The following CSMD1 variants were observed in gnomAD, a reference collection of about 807,000 sequenced individuals.
CSMD1 encodes CUB and Sushi multiple domains 1, also known as CUB and sushi domain-containing protein 1.
A neutral mutation model predicts 417.5 loss-of-function variants in CSMD1; 213 were observed. That is an observed-to-expected ratio of 0.51 (90% CI 0.46 to 0.57). The LOEUF (loss-of-function observed/expected upper bound fraction) is 0.57. CSMD1 is among the 20% of genes least tolerant of loss of function. The pLI, the probability that CSMD1 is intolerant of heterozygous loss-of-function variation, is 0.00. For synonymous variants in CSMD1, 2,862 were observed against 1,736.8 expected, an observed-to-expected ratio of 1.65 and a Z score of -16.11; for missense variants, 6,923 against 4,529.7, an observed-to-expected ratio of 1.53 and a Z score of -15.17.
intron 2 of CSMD1, among the ~76,000 whole-genome samples, chr8:4,579,473 C>G (rs555871059): frequency 4.6e-5 from 7 of 152,058 alleles, no homozygotes; most frequent in African/African-American, 1.4e-4. Flanking sequence ...ATTCTCCTGC[C>G]TCCCTTAGCC....
chr8:4,474,413 G>A (rs1056960072), intron 2 of CSMD1, among the ~76,000 whole-genome samples: 1 of 152,154 alleles, frequency 6.6e-6, no homozygotes, highest in Non-Finnish European at 1.5e-5. Flanking sequence ...GTCTAAGAAA[G>A]GCAGAGGGTC....
At chr8:4,683,362 C>CA (rs1490743893) in intron 1 of CSMD1, among the ~76,000 whole-genome samples, 3 of 152,072 alleles carry the variant, frequency 2.0e-5, no homozygotes, top group Non-Finnish European at 4.4e-5. Context: ...AGTGGTTCTC[C>CA]AAGCCGAAAC....
At chr8:4,788,476 G>A in intron 1 of CSMD1, 2 of 1,320,166 alleles carry the variant, frequency 1.5e-6, no homozygotes, top group Non-Finnish European at 2.2e-6. Flanking sequence ...TTACTGCTCA[G>A]ATATTTGGGG....
At chr8:3,395,569 G>C (rs927365994) in intron 17 of CSMD1, among the ~76,000 whole-genome samples, 1 of 152,158 alleles carries the variant, frequency 6.6e-6, no homozygotes, top group African/African-American at 2.4e-5. Flanking sequence ...TGGAAGTTTG[G>C]ACTGTTTGCA....
chr8:3,714,025 C>CAGATAGATAGAT (rs36006305), intron 6 of CSMD1, among the ~76,000 whole-genome samples: 23,647 of 147,016 alleles, frequency 0.16, 2,085 homozygotes, highest in Non-Finnish European at 0.2. Context: ...GCTCACTATG[C>CAGATAGATAGAT]AGATAGATAG....
intron 1 of CSMD1, among the ~76,000 whole-genome samples, chr8:4,868,145 A>G (rs149685285): frequency 5.3e-5 from 8 of 152,248 alleles, no homozygotes; most frequent in African/African-American, 1.9e-4. Flanking sequence ...TTGAGAAATA[A>G]TGGGTTGATG....
intron 50 of CSMD1, among the ~76,000 whole-genome samples, chr8:3,051,912 T>C (rs1389241464): frequency 1.3e-5 from 2 of 152,188 alleles, no homozygotes; most frequent in Non-Finnish European, 2.9e-5. Context: ...GTTACTCTTT[T>C]AAGATTATTA....
chr8:3,951,849 T>C (rs1811620851), intron 5 of CSMD1, among the ~76,000 whole-genome samples: 1 of 151,570 alleles, frequency 6.6e-6, no homozygotes, highest in Non-Finnish European at 1.5e-5. Context: ...AAAGAAAAAT[T>C]AAATACATAA....
chr8:3,838,447 C>A (rs1010150426), intron 5 of CSMD1, among the ~76,000 whole-genome samples: 12 of 147,908 alleles, frequency 8.1e-5, no homozygotes, highest in Admixed American at 4.8e-4. Context: ...AGAGTATAGA[C>A]TATACATATA....
chr8:3,028,593 T>C (rs1392170299), intron 51 of CSMD1, among the ~76,000 whole-genome samples: 1 of 152,206 alleles, frequency 6.6e-6, no homozygotes, highest in African/African-American at 2.4e-5. Flanking sequence ...GTGGTACGTG[T>C]TTCATTAACA....
intron 7 of CSMD1, among the ~76,000 whole-genome samples, chr8:3,647,676 T>C (rs1441438815): frequency 1.3e-5 from 2 of 152,224 alleles, no homozygotes; most frequent in Non-Finnish European, 2.9e-5. Flanking sequence ...TTGAAAGTTT[T>C]AGTACAGTTA....
At chr8:3,881,998 A>T (rs1220041415) in intron 5 of CSMD1, among the ~76,000 whole-genome samples, 6 of 152,236 alleles carry the variant, frequency 3.9e-5, no homozygotes, top group Non-Finnish European at 8.8e-5. Context: ...TCACGAGAGA[A>T]TATTCTACGA....
At chr8:2,995,355 CATCT>C (rs1806791401) in intron 54 of CSMD1, among the ~76,000 whole-genome samples, 1 of 152,188 alleles carries the variant, frequency 6.6e-6, no homozygotes, top group Admixed American at 6.5e-5. Flanking sequence ...TATCACCACA[CATCT>C]ATCAAGAAAG....
At chr8:3,960,658 C>G (rs918160671) in intron 5 of CSMD1, among the ~76,000 whole-genome samples, 1 of 151,660 alleles carries the variant, frequency 6.6e-6, no homozygotes, top group African/African-American at 2.4e-5. Context: ...GATTATAAAT[C>G]AAGAAGTTAT....
chr8:3,745,828 C>T (rs1180139767), intron 6 of CSMD1, among the ~76,000 whole-genome samples: 1 of 152,142 alleles, frequency 6.6e-6, no homozygotes, highest in East Asian at 1.9e-4. Context: ...TCCTGGTTTC[C>T]CTACAGCTGT....
At chr8:3,791,346 A>C (rs903795800) in intron 5 of CSMD1, among the ~76,000 whole-genome samples, 8 of 152,230 alleles carry the variant, frequency 5.3e-5, no homozygotes, top group Non-Finnish European at 7.3e-5. Flanking sequence ...GGATAACCTG[A>C]AACAATGTGA....
intron 37 of CSMD1, among the ~76,000 whole-genome samples, chr8:3,177,747 C>G (rs571403372): frequency 1.3e-5 from 2 of 152,182 alleles, no homozygotes; most frequent in African/African-American, 4.8e-5. Context: ...CAGATCAATA[C>G]TGAGTTCAAT....
intron 5 of CSMD1, among the ~76,000 whole-genome samples, chr8:3,809,218 T>C (rs1800923372): frequency 6.6e-6 from 1 of 152,206 alleles, no homozygotes; most frequent in South Asian, 2.1e-4. Flanking sequence ...AGGTCTCCAG[T>C]TAAGTTTCAC....
At chr8:4,860,376 C>T (rs1802056200) in intron 1 of CSMD1, among the ~76,000 whole-genome samples, 1 of 150,192 alleles carries the variant, frequency 6.7e-6, no homozygotes, top group Non-Finnish European at 1.5e-5. Flanking sequence ...CTAACCTGCA[C>T]AATGGGCACA....
Sources: gnomAD v4.1 joint callset for allele counts (sites outside exome capture counted in the v4.1 genomes callset) on GRCh38, gnomAD v4.1.1 for gene constraint, MANE v1.5 for transcripts, NCBI Gene and HGNC (gene_info 2026-07-23, HGNC 2026-07-21) for gene names.